PARD3: variants seen among roughly 807,000 people sequenced by gnomAD.
PARD3 encodes par-3 family cell polarity regulator.
A neutral mutation model predicts 155.4 loss-of-function variants in PARD3; 75 were observed. That is an observed-to-expected ratio of 0.48 (90% CI 0.40 to 0.58). PARD3 has a LOEUF of 0.58. Among genes scored for constraint, PARD3 ranks in the 20% least tolerant of loss-of-function variants. The pLI, the probability that PARD3 is intolerant of heterozygous loss-of-function variation, is 0.00. For synonymous variants in PARD3, 576 were observed against 610.5 expected, an observed-to-expected ratio of 0.94 and a Z score of 0.83; for missense variants, 1,642 against 1,721.7, an observed-to-expected ratio of 0.95 and a Z score of 0.82.
chr10:34,197,397 C>T (rs898351603), intron 22 of PARD3, among the ~76,000 whole-genome samples: 1 of 152,168 alleles, frequency 6.6e-6, no homozygotes, highest in Non-Finnish European at 1.5e-5. Context: ...ACACTTAGGA[C>T]TACACGTTCT....
intron 7 of PARD3, among the ~76,000 whole-genome samples, chr10:34,385,163 C>T (rs1417792807): frequency 1.3e-5 from 2 of 151,964 alleles, no homozygotes; most frequent in Non-Finnish European, 2.9e-5. Flanking sequence ...GATGGAGTTT[C>T]GTTCTTGTCG....
intron 22 of PARD3, among the ~76,000 whole-genome samples, chr10:34,159,786 T>C (rs193025538): frequency 1.2e-3 from 177 of 152,342 alleles, no homozygotes; most frequent in Admixed American, 2.4e-3. Context: ...GCCCATTTTA[T>C]AGATGAGGTT....
chr10:34,640,582 C>A (rs931882586), intron 2 of PARD3, among the ~76,000 whole-genome samples: 6 of 151,578 alleles, frequency 4.0e-5, no homozygotes, highest in African/African-American at 1.5e-4. Context: ...TGGTGGCATG[C>A]GCCTATAGTC....
intron 22 of PARD3, among the ~76,000 whole-genome samples, chr10:34,189,406 G>C (rs990143859): frequency 6.6e-6 from 1 of 152,158 alleles, no homozygotes; most frequent in African/African-American, 2.4e-5. Context: ...CTTTGTTGGT[G>C]GTGCAAACGC....
chr10:34,304,440 T>C (rs1957301915), intron 20 of PARD3, among the ~76,000 whole-genome samples: 1 of 152,044 alleles, frequency 6.6e-6, no homozygotes, highest in Admixed American at 6.6e-5. Context: ...GTTCAAAAAA[T>C]ACTAACTTCT....
intron 2 of PARD3, 52 bp downstream of exon 2, chr10:34,696,266 C>A (rs2133480861): frequency 1.5e-5 from 14 of 944,360 alleles, no homozygotes; most frequent in Non-Finnish European, 2.0e-5. Context: ...GCTCCCTAGT[C>A]CTCAAAAAAA....
intron 22 of PARD3, among the ~76,000 whole-genome samples, chr10:34,269,138 A>T (rs908313995): frequency 6.6e-6 from 1 of 152,144 alleles, no homozygotes; most frequent in African/African-American, 2.4e-5. Context: ...GATATACATA[A>T]TTTAGACCTG....
rs538184880 is a variant in PARD3 at position 34,747,017 on chromosome 10, T to C, written c.121-50598A>G. On this transcript the variant is annotated intron_variant, in intron 1 of 24. Coordinates refer to ENST00000374788, the MANE Select transcript of PARD3 (RefSeq NM_001184785.2). ...AGGCAGAGAAAGCAGCATTGGTTCC[T>C]GCTCTCATATGTGGTTTTGTGGAAA... 3.3e-4 allele frequency among the ~76,000 whole-genome samples: 50 copies of C among 152,316 alleles called. No homozygotes were observed. In the South Asian group the frequency reaches 5.6e-3, roughly 17 times the overall value.
intron 5 of PARD3, among the ~76,000 whole-genome samples, chr10:34,434,636 C>T (rs1418206874): frequency 6.6e-6 from 1 of 152,134 alleles, no homozygotes; most frequent in Non-Finnish European, 1.5e-5. Context: ...GGGAGGAGGG[C>T]TGCAGTGTTG....
intron 2 of PARD3, among the ~76,000 whole-genome samples, chr10:34,519,998 AAAG>A (rs2082044650): frequency 1.3e-5 from 2 of 152,080 alleles, no homozygotes; most frequent in Non-Finnish European, 1.5e-5. Context: ...CCTTCCAAGA[AAAG>A]AACCATGACT....
At chr10:34,545,015 T>A (rs75906771) in intron 2 of PARD3, among the ~76,000 whole-genome samples, 2,358 of 152,186 alleles carry the variant, frequency 0.015, 67 homozygotes, top group African/African-American at 0.053. Context: ...CCAAAGAATT[T>A]AGGAAAAAAG....
At chr10:34,481,489 G>A (rs2079080132) in intron 3 of PARD3, among the ~76,000 whole-genome samples, 1 of 152,118 alleles carries the variant, frequency 6.6e-6, no homozygotes, top group Non-Finnish European at 1.5e-5. Flanking sequence ...GCATAAAAAC[G>A]TGGTATCCCC....
rs577331961 is a variant in PARD3, at chr10:34,259,440, C to T, written c.3419+10217G>A. Among the ~76,000 whole-genome samples the T allele has an allele frequency of 5.3e-5, 8 of 152,220 alleles. No individual in the cohort carries two copies. The East Asian group carries it at 1.5e-3, about 29-fold the overall frequency. On this transcript the variant is annotated intron_variant, in intron 22 of 24. Coordinates refer to ENST00000374788, the MANE Select transcript of PARD3 (RefSeq NM_001184785.2). Reference sequence around the variant, plus strand: ...CACCTGCATCCCTTGGCTCATGGTCCCTTCCTCTGACTTCAGTCAATAGGG... The same window carrying T: ...CACCTGCATCCCTTGGCTCATGGTCTCTTCCTCTGACTTCAGTCAATAGGG...
At chr10:34,574,535 A>T (rs1281722804) in intron 2 of PARD3, among the ~76,000 whole-genome samples, 1 of 152,232 alleles carries the variant, frequency 6.6e-6, no homozygotes, top group Non-Finnish European at 1.5e-5. Flanking sequence ...CATGACTCCA[A>T]AATAGTGACC....
intron 1 of PARD3, among the ~76,000 whole-genome samples, chr10:34,813,155 G>A (rs1844419553): frequency 6.6e-6 from 1 of 152,232 alleles, no homozygotes; most frequent in African/African-American, 2.4e-5. Flanking sequence ...CAAACAGGCA[G>A]TTCAGCCTAT....
chr10:34,253,563 C>T (rs1210447004), intron 22 of PARD3, among the ~76,000 whole-genome samples: 1 of 152,160 alleles, frequency 6.6e-6, no homozygotes, highest in Non-Finnish European at 1.5e-5. Context: ...TCTTCATGGC[C>T]TGGCTCTCCC....
intron 2 of PARD3, among the ~76,000 whole-genome samples, chr10:34,542,465 AAAG>A (rs946256914): frequency 6.6e-5 from 10 of 152,190 alleles, no homozygotes; most frequent in African/African-American, 2.2e-4. Flanking sequence ...CCCACACAAC[AAAG>A]AATAATCCAG....
At chr10:34,432,619 G>C (rs1038727249) in intron 5 of PARD3, among the ~76,000 whole-genome samples, 3 of 152,080 alleles carry the variant, frequency 2.0e-5, no homozygotes, top group Admixed American at 6.5e-5. Flanking sequence ...CCAGATCCAT[G>C]GACAATGAGG....
At chr10:34,556,381 CTTT>C (rs1778461844) in intron 2 of PARD3, among the ~76,000 whole-genome samples, 1 of 129,952 alleles carries the variant, frequency 7.7e-6, no homozygotes, top group Admixed American at 7.5e-5. Flanking sequence ...TCCTTTTCTT[CTTT>C]CTTTTTTTTT....
Sources: allele counts gnomAD v4.1 joint callset (sites outside exome capture counted in the v4.1 genomes callset), GRCh38; gene constraint gnomAD v4.1.1; transcripts MANE v1.5; gene names NCBI Gene and HGNC (gene_info 2026-07-23, HGNC 2026-07-21).